PDE4D: variants seen among roughly 807,000 people sequenced by gnomAD.
The protein encoded by PDE4D is phosphodiesterase 4D.
PDE4D carries 24 observed loss-of-function variants against 87.4 expected under a neutral mutation model. The ratio of observed to expected loss-of-function variants is 0.27; its 90% CI spans 0.20 to 0.39. The LOEUF is 0.39. Ranked by LOEUF, PDE4D falls within the 10% of genes least tolerant of loss-of-function variation. The probability of loss-of-function intolerance (pLI) is 1.00; values close to 1 mark genes in which losing one functional copy is unlikely to be tolerated. For missense variants in PDE4D, 714 were observed against 1,041.0 expected (o/e 0.69, Z 4.32); for synonymous variants, 384 against 383.2 (o/e 1.00, Z -0.02).
At chr5:59,327,075 GGAAT>G (rs1554133228) in intron 1 of PDE4D, among the ~76,000 whole-genome samples, 1 of 147,762 alleles carries the variant, frequency 6.8e-6, no homozygotes, top group Non-Finnish European at 1.5e-5. Context: ...AAATATCTAT[GGAAT>G]GAATGGACAC....
chr5:59,510,028 T>C (rs1203948193), intron 1 of PDE4D, among the ~76,000 whole-genome samples: 1 of 149,918 alleles, frequency 6.7e-6, no homozygotes, highest in Non-Finnish European at 1.5e-5. Flanking sequence ...TGTCAAAGAA[T>C]AGGTACTATA....
chr5:59,626,926 T>C (rs986198790), intron 1 of PDE4D, among the ~76,000 whole-genome samples: 1 of 152,240 alleles, frequency 6.6e-6, no homozygotes, highest in Admixed American at 6.5e-5. Flanking sequence ...AATATGCTCC[T>C]ACTTTGCCTT....
At chr5:59,330,709 T>A (rs2153576657) in intron 1 of PDE4D, among the ~76,000 whole-genome samples, 1 of 152,314 alleles carries the variant, frequency 6.6e-6, no homozygotes, top group East Asian at 1.9e-4. Context: ...ATTAAAGGCC[T>A]TTCTCTGACA....
At chr5:59,683,678 C>T (rs559304756) in intron 1 of PDE4D, among the ~76,000 whole-genome samples, 2 of 152,218 alleles carry the variant, frequency 1.3e-5, no homozygotes, top group South Asian at 4.1e-4. Context: ...TAAATCGTTC[C>T]ATTACATTTT....
chr5:58,990,719 A>T (rs1394460768), intron 9 of PDE4D, 85 bp downstream of exon 9: 4 of 735,790 alleles, frequency 5.4e-6, no homozygotes, highest in African/African-American at 1.8e-5. Flanking sequence ...GGGGAATATT[A>T]AAAAAGACAA....
chr5:60,276,351 G>A (rs1388271780), intron 1 of PDE4D, among the ~76,000 whole-genome samples: 1 of 152,178 alleles, frequency 6.6e-6, no homozygotes, highest in East Asian at 1.9e-4. Context: ...TTGGTGAAGT[G>A]ACCCTTTTAC....
At chr5:60,363,010 C>T (rs1760209567) in intron 1 of PDE4D, among the ~76,000 whole-genome samples, 7 of 152,034 alleles carry the variant, frequency 4.6e-5, no homozygotes, top group Admixed American at 4.6e-4. Context: ...TCTAGCTGTG[C>T]TTATCACCGG....
intron 3 of PDE4D, among the ~76,000 whole-genome samples, chr5:59,956,641 A>T (rs1410346387): frequency 1.3e-5 from 2 of 152,190 alleles, no homozygotes; most frequent in Non-Finnish European, 1.5e-5. Flanking sequence ...ATGCTTTCAG[A>T]ATTAAATGAA....
intron 1 of PDE4D, among the ~76,000 whole-genome samples, chr5:59,382,907 T>C (rs1018118513): frequency 7.2e-5 from 11 of 152,206 alleles, no homozygotes; most frequent in African/African-American, 2.2e-4. Flanking sequence ...AGTCATTTTG[T>C]GGCATGCTGT....
chr5:60,200,796 C>G (rs1423956048), intron 1 of PDE4D, among the ~76,000 whole-genome samples: 1 of 152,094 alleles, frequency 6.6e-6, no homozygotes, highest in Non-Finnish European at 1.5e-5. Flanking sequence ...TTTACACACT[C>G]TGGAATGTGA....
chr5:59,708,730 G>A (rs537321704), intron 1 of PDE4D, among the ~76,000 whole-genome samples: 3 of 151,870 alleles, frequency 2.0e-5, no homozygotes, highest in African/African-American at 7.2e-5. Context: ...AACCATGAAG[G>A]GTCAAATTAG....
chr5:59,500,663 T>C (rs1247880713), intron 1 of PDE4D, among the ~76,000 whole-genome samples: 1 of 152,178 alleles, frequency 6.6e-6, no homozygotes, highest in Non-Finnish European at 1.5e-5. Context: ...CCTATGTCAC[T>C]ACGTGGGCAG....
At chr5:60,193,019 T>G (rs1322780249) in intron 1 of PDE4D, among the ~76,000 whole-genome samples, 2 of 152,184 alleles carry the variant, frequency 1.3e-5, no homozygotes, top group African/African-American at 4.8e-5. Context: ...ATCTATAGAC[T>G]GAGAAAAGCC....
intron 1 of PDE4D, among the ~76,000 whole-genome samples, chr5:59,729,698 C>A (rs1757108298): frequency 6.6e-6 from 1 of 151,668 alleles, no homozygotes; most frequent in Non-Finnish European, 1.5e-5. Flanking sequence ...TCTAGAAAAC[C>A]CAATATCAGC....
intron 1 of PDE4D, among the ~76,000 whole-genome samples, chr5:59,861,809 A>G (rs762566312): frequency 2.6e-5 from 4 of 152,214 alleles, no homozygotes; most frequent in Non-Finnish European, 5.9e-5. Context: ...CTTTGTGGAT[A>G]TGGAGCCCCA....
In PDE4D at chr5:59,794,137, G is replaced by GCACACA. The variant is rs58204799; in HGVS notation, c.455+99025_455+99030dup. Among the ~76,000 whole-genome samples, 22 of 145,064 alleles carry GCACACA rather than the reference G, an allele frequency of 1.5e-4. 1 individual carries two copies. Among genetic ancestry groups the GCACACA allele is most frequent in the South Asian group, 1.1e-3 (5 of 4,392 alleles). ...GATACACAGACACACACACAGAGGCGCACACACACACACACACACACACAC... is the reference window on the plus strand; with the variant it reads ...GATACACAGACACACACACAGAGGCGCACACACACACACACACACACACACACACAC... On this transcript the variant is annotated intron_variant, in intron 1 of 14. Coordinates refer to ENST00000340635, the MANE Select transcript of PDE4D (RefSeq NM_001104631.2).
intron 1 of PDE4D, among the ~76,000 whole-genome samples, chr5:59,612,680 G>A (rs1362803413): frequency 6.6e-6 from 1 of 152,148 alleles, no homozygotes. Context: ...CAGGCATGGT[G>A]AAGATATAAT....
intron 5 of PDE4D, among the ~76,000 whole-genome samples, chr5:59,172,343 A>T (rs1370391417): frequency 7.4e-6 from 1 of 134,302 alleles, no homozygotes; most frequent in Non-Finnish European, 1.5e-5. Context: ...AATATATTAT[A>T]TATTATATAT....
chr5:60,050,727 A>G (rs1416644244), intron 2 of PDE4D, among the ~76,000 whole-genome samples: 1 of 152,260 alleles, frequency 6.6e-6, no homozygotes, highest in Non-Finnish European at 1.5e-5. Context: ...CCCAATTAAA[A>G]GACACAGACT....
Sources: gnomAD v4.1 joint callset for allele counts (sites outside exome capture counted in the v4.1 genomes callset) on GRCh38, gnomAD v4.1.1 for gene constraint, MANE v1.5 for transcripts, NCBI Gene and HGNC (gene_info 2026-07-23, HGNC 2026-07-21) for gene names.